The following GLIS3 variants were observed in gnomAD, a reference collection of about 807,000 sequenced individuals.
GLIS3 encodes the protein zinc finger protein GLIS3.
A neutral mutation model predicts 78.6 loss-of-function variants in GLIS3; 53 were observed. The observed-to-expected ratio is 0.67, with a 90% CI of 0.54 to 0.85. GLIS3 has a LOEUF of 0.85. Ranked by LOEUF, GLIS3 falls within the 40% of genes least tolerant of loss-of-function variation. The pLI is 0.00. For synonymous variants in GLIS3, 684 were observed against 509.9 expected (o/e 1.34, Z -4.60); for missense variants, 1,703 against 1,231.1 (o/e 1.38, Z -5.74).
chr9:4,372,732 C>T, the GLIS3 span, among the ~76,000 whole-genome samples: 3 of 152,116 alleles, frequency 2.0e-5, no homozygotes, highest in Admixed American at 1.3e-4. Flanking sequence ...CCTAAAGACT[C>T]CTAAAAATAG....
chr9:4,365,811 T>A, the GLIS3 span, among the ~76,000 whole-genome samples: 1 of 152,240 alleles, frequency 6.6e-6, no homozygotes, highest in Non-Finnish European at 1.5e-5. Flanking sequence ...ACATCTAAAA[T>A]GTCACCACCA....
chr9:4,274,698 A>T (rs1363432871), intron 2 of GLIS3, among the ~76,000 whole-genome samples: 1 of 152,102 alleles, frequency 6.6e-6, no homozygotes, highest in Non-Finnish European at 1.5e-5. Flanking sequence ...AGAACACTAA[A>T]CCCTAAGCAC....
intron 9 of GLIS3, among the ~76,000 whole-genome samples, chr9:3,854,938 A>ATTTG (rs547963952): frequency 6.6e-6 from 1 of 152,166 alleles, no homozygotes; most frequent in Non-Finnish European, 1.5e-5. Flanking sequence ...ATTGATTTAG[A>ATTTG]TTTGTTTGTT....
intron 4 of GLIS3, among the ~76,000 whole-genome samples, chr9:3,995,477 G>GAAAA (rs1234691449): frequency 1.3e-5 from 2 of 151,916 alleles, no homozygotes; most frequent in Non-Finnish European, 2.9e-5. Flanking sequence ...AAAACACAGT[G>GAAAA]TAGAAAATAA....
chr9:4,368,636 C>T, the GLIS3 span, among the ~76,000 whole-genome samples: 38 of 152,346 alleles, frequency 2.5e-4, no homozygotes, highest in African/African-American at 9.1e-4. Flanking sequence ...CAGGCGTGAG[C>T]CACTGCGCCC....
At chr9:4,415,230 G>C in the GLIS3 span, among the ~76,000 whole-genome samples, 7 of 152,278 alleles carry the variant, frequency 4.6e-5, no homozygotes, top group East Asian at 1.4e-3. Flanking sequence ...CTCAGACAAA[G>C]TCCTGGTTGC....
the GLIS3 span, among the ~76,000 whole-genome samples, chr9:4,395,994 G>A: frequency 1.1e-4 from 17 of 151,688 alleles, no homozygotes; most frequent in Admixed American, 5.9e-4. Context: ...GGATGGTGTC[G>A]ATCTCCTGAC....
intron 2 of GLIS3, among the ~76,000 whole-genome samples, chr9:4,201,316 A>G (rs892567245): frequency 6.6e-5 from 10 of 152,202 alleles, no homozygotes; most frequent in African/African-American, 2.4e-4. Context: ...CCAACATAGT[A>G]CTGGAAGTCC....
chr9:3,839,583 C>T (rs1485417357), intron 9 of GLIS3, among the ~76,000 whole-genome samples: 1 of 140,736 alleles, frequency 7.1e-6, no homozygotes, highest in East Asian at 2.1e-4. Flanking sequence ...AGTTTACAGC[C>T]AAAAAAAAAA....
chr9:4,226,042 G>C (rs1821740695), intron 2 of GLIS3, among the ~76,000 whole-genome samples: 2 of 152,128 alleles, frequency 1.3e-5, no homozygotes, highest in African/African-American at 4.8e-5. Flanking sequence ...TAATGTTCCA[G>C]CACATTTAAA....
At position 4,299,948 on chromosome 9, in the gene GLIS3, G is replaced by A. The variant is rs569494167; in HGVS notation, c.-626C>T. The stretch of plus-strand genomic sequence containing the variant: ...GCAGTGGCCGCGGCACTCGCCGCCG[G>A]TGCCCGTGCGCGCCGCGCTCTGGGC... On this transcript the variant is annotated 5_prime_UTR_variant, in exon 1 of 11. Transcript: ENST00000381971. The A allele has an allele frequency of 2.0e-5, 3 of 152,142 alleles. No individual in the cohort carries two copies. The East Asian group carries it at 5.9e-4, about 30-fold the overall frequency. 9.4% of individuals were successfully genotyped at this position (152,142 alleles called of 1,614,324 possible).
chr9:3,943,042 C>A (rs2130814514), intron 4 of GLIS3, among the ~76,000 whole-genome samples: 1 of 151,604 alleles, frequency 6.6e-6, no homozygotes, highest in African/African-American at 2.4e-5. Context: ...AAAAAAGGAC[C>A]AAGAATCACA....
At chr9:4,107,807 T>A (rs1830885735) in intron 4 of GLIS3, among the ~76,000 whole-genome samples, 1 of 151,404 alleles carries the variant, frequency 6.6e-6, no homozygotes, top group Non-Finnish European at 1.5e-5. Flanking sequence ...GACAACAAAC[T>A]GTTCTTTTCT....
the GLIS3 span, among the ~76,000 whole-genome samples, chr9:4,370,438 G>A: frequency 5.3e-5 from 8 of 152,132 alleles, no homozygotes; most frequent in Non-Finnish European, 1.0e-4. Flanking sequence ...ATTTTCAGCT[G>A]TAAATATAGG....
At chr9:4,161,430 G>T (rs938586367) in intron 2 of GLIS3, among the ~76,000 whole-genome samples, 1 of 152,170 alleles carries the variant, frequency 6.6e-6, no homozygotes, top group African/African-American at 2.4e-5. Flanking sequence ...ACATGGGGAA[G>T]AGGAGCCCCA....
intron 2 of GLIS3, among the ~76,000 whole-genome samples, chr9:4,253,432 T>G (rs1329282569): frequency 6.6e-6 from 1 of 152,184 alleles, no homozygotes; most frequent in Admixed American, 6.5e-5. Context: ...CTACTCAAGC[T>G]TCAGTAATGG....
chr9:4,147,203 A>G (rs1373665364), intron 2 of GLIS3: 2 of 152,210 alleles, frequency 1.3e-5, no homozygotes, highest in Non-Finnish European at 2.9e-5. Context: ...ACAAATTCTA[A>G]AATTCCTAGT....
chr9:3,989,175 G>A (rs896004366), intron 4 of GLIS3, among the ~76,000 whole-genome samples: 2 of 151,984 alleles, frequency 1.3e-5, no homozygotes, highest in East Asian at 1.9e-4. Context: ...ATCAGGGGAA[G>A]GCAAATTAAA....
At chr9:4,168,268 T>C (rs977186906) in intron 2 of GLIS3, among the ~76,000 whole-genome samples, 2 of 152,242 alleles carry the variant, frequency 1.3e-5, no homozygotes, top group East Asian at 1.9e-4. Context: ...CTGTCTAAAG[T>C]ATATTTTAAA....
Sources: allele counts gnomAD v4.1 joint callset (sites outside exome capture counted in the v4.1 genomes callset), GRCh38; gene constraint gnomAD v4.1.1; transcripts MANE v1.5; gene names NCBI Gene and HGNC (gene_info 2026-07-23, HGNC 2026-07-21).